Variants in STT3B observed in about 807,000 individuals in gnomAD.
STT3B encodes the protein dolichyl-diphosphooligosaccharide--protein glycosyltransferase subunit STT3B.
STT3B carries 29 observed loss-of-function variants against 96.8 expected under a neutral mutation model. That is an observed-to-expected ratio of 0.30 (90% confidence interval 0.22 to 0.41). STT3B has a LOEUF of 0.41. Among genes scored for constraint, STT3B ranks in the 10% least tolerant of loss-of-function variants. STT3B has a pLI of 1.00. For missense variants in STT3B, 640 were observed against 1,022.3 expected (o/e 0.63, Z 5.10); for synonymous variants, 367 against 360.0 (o/e 1.02, Z -0.22).
At chr3:31,550,424 G>T (rs1575409078) in intron 1 of STT3B, among the ~76,000 whole-genome samples, 1 of 152,188 alleles carries the variant, frequency 6.6e-6, no homozygotes, top group Non-Finnish European at 1.5e-5. Flanking sequence ...CAATCAAAAT[G>T]ACCACCCATC....
chr3:31,601,732 A>C (rs1698933221), intron 5 of STT3B, among the ~76,000 whole-genome samples: 1 of 152,226 alleles, frequency 6.6e-6, no homozygotes, highest in African/African-American at 2.4e-5. Flanking sequence ...AAAAACCATT[A>C]CATGATAGGT....
chr3:31,554,558 G>A (rs929727967), intron 1 of STT3B, among the ~76,000 whole-genome samples: 1 of 152,152 alleles, frequency 6.6e-6, no homozygotes, highest in African/African-American at 2.4e-5. Context: ...CAGCTCCAAG[G>A]TGTAATTTCT....
chr3:31,618,600 C>T (rs1310002008), intron 8 of STT3B, among the ~76,000 whole-genome samples: 1 of 151,782 alleles, frequency 6.6e-6, no homozygotes, highest in Non-Finnish European at 1.5e-5. Flanking sequence ...CTCCTCTGTT[C>T]CTGCTGTTCT....
At chr3:31,607,822 A>G (rs1238929479) in intron 5 of STT3B, among the ~76,000 whole-genome samples, 1 of 151,932 alleles carries the variant, frequency 6.6e-6, no homozygotes, top group Non-Finnish European at 1.5e-5. Flanking sequence ...GTGGTCTCGA[A>G]CTCCTGGGCT....
rs927208004 is a variant in STT3B at position 31,632,677 on chromosome 3, T to C, written c.2188-258T>C. Among the ~76,000 whole-genome samples, 4 of 151,714 alleles carry C rather than the reference T, an allele frequency of 2.6e-5. 1 individual carries two copies. Among genetic ancestry groups the C allele is most frequent in the East Asian group, 1.9e-4 (1 of 5,168 alleles). On this transcript the variant is annotated intron_variant, in intron 14 of 15. Transcript: ENST00000295770. ...TTTCTATGTTTTGGTGGGTTTTTTT[T>C]TTTTTTTTAATGCCTTTAGAATGCT...
At chr3:31,558,562 T>C (rs966848200) in intron 1 of STT3B, among the ~76,000 whole-genome samples, 2 of 152,232 alleles carry the variant, frequency 1.3e-5, no homozygotes, top group African/African-American at 4.8e-5. Context: ...GTGTATTATC[T>C]TTTTGATGTA....
chr3:31,595,763 A>G (rs893172962), intron 3 of STT3B, among the ~76,000 whole-genome samples: 6 of 152,146 alleles, frequency 3.9e-5, no homozygotes, highest in Admixed American at 6.5e-5. Flanking sequence ...TTCCACACCT[A>G]TACTTCTTCC....
rs773689570 is a variant in STT3B, at chr3:31,633,115, A to G, written c.2368A>G (p.Ile790Val). Residue 790 changes from isoleucine (I) to valine (V), a missense_variant, in exon 15 of 16, where the codon ATT becomes GTT. Transcript: ENST00000295770. ...TLDHKPRVTN[I>V]FPKQKYLSKK... ...AGATCACAAACCTCGAGTCACCAAC[A>G]TTTTCCCAAAACAGAAGTATTTGTC... 4.3e-6 allele frequency: 7 copies of G among 1,613,952 alleles called. No individual in the cohort carries two copies. The South Asian group carries it at 5.5e-5, about 13-fold the overall frequency.
At position 31,596,855 on chromosome 3, in the gene STT3B, T is replaced by G. The variant is rs1170942509; in HGVS notation, c.769T>G (p.Phe257Val). Residue 257 changes from phenylalanine (F) to valine (V), a missense_variant, in exon 4 of 16, where the codon TTC becomes GTC. Phe to Val is a conservative substitution (Grantham distance 50, BLOSUM62 -1). This residue lies in a region of STT3B where 267 missense variants were observed against 388.3 expected (regional missense o/e 0.69). Transcript: ENST00000295770. ...FWTMCCCLSY[F>V]YMVSAWGGYV... ...GACAATGTGCTGCTGCTTATCCTAT[T>G]TCTATATGGTAAGATTTCATATTTG... 5 of 1,611,222 alleles carry G rather than the reference T, an allele frequency of 3.1e-6. No individual in the cohort carries two copies. Among genetic ancestry groups the G allele is most frequent in the Non-Finnish European group, 4.2e-6 (5 of 1,178,058 alleles).
At chr3:31,581,927 TTG>T (rs1228184177) in intron 3 of STT3B, among the ~76,000 whole-genome samples, 1 of 152,198 alleles carries the variant, frequency 6.6e-6, no homozygotes, top group East Asian at 1.9e-4. Flanking sequence ...TGGTAGGTTT[TTG>T]TGTTTCTATT....
In STT3B at chr3:31,636,272, A is replaced by G. The variant is rs1379811652; in HGVS notation, c.*208A>G. 5.8e-5 allele frequency: 24 copies of G among 413,306 alleles called. No individual in the cohort carries two copies. The highest frequency in any genetic ancestry group is 9.3e-5 in the Non-Finnish European group (21 of 225,520). The allele number at this position is 413,306 out of a possible 1,614,324, so 25.6% of individuals were successfully genotyped here. On this transcript the variant is annotated 3_prime_UTR_variant, in exon 16 of 16. Transcript: ENST00000295770. The stretch of plus-strand genomic sequence containing the variant: ...TTCGATTTCTAATGTGAAGCAAGAC[A>G]GAGCACTGCTGTAAATGTCTAGCAG...
chr3:31,618,766 A>G (rs886082870), intron 8 of STT3B, among the ~76,000 whole-genome samples: 12 of 152,102 alleles, frequency 7.9e-5, no homozygotes, highest in Admixed American at 5.9e-4. Context: ...ACATACTTCA[A>G]GAGTTCAGCC....
intron 1 of STT3B, among the ~76,000 whole-genome samples, chr3:31,565,367 C>T (rs772158092): frequency 5.3e-5 from 8 of 152,158 alleles, no homozygotes; most frequent in Non-Finnish European, 5.9e-5. Flanking sequence ...ATGTGACAAA[C>T]TTGGCTGTGA....
chr3:31,606,290 T>G (rs906505767), intron 5 of STT3B, among the ~76,000 whole-genome samples: 1 of 152,208 alleles, frequency 6.6e-6, no homozygotes, highest in Non-Finnish European at 1.5e-5. Context: ...AAGAGCCAAC[T>G]GTTAATGCCA....
intron 3 of STT3B, among the ~76,000 whole-genome samples, chr3:31,594,462 G>A (rs1488829258): frequency 4.0e-5 from 6 of 149,882 alleles, no homozygotes; most frequent in Admixed American, 3.3e-4. Context: ...ATGGAGTCTC[G>A]CTCTGTCCAC....
chr3:31,619,817 T>G lies in STT3B; in HGVS notation c.1314T>G (p.Asp438Glu). Residue 438 changes from aspartate to glutamate, a missense_variant, in exon 9 of 16, where the codon GAT becomes GAG. This residue lies in a region of STT3B where 33 missense variants were observed against 43.1 expected (regional missense o/e 0.77). Transcript: ENST00000295770. ...GLWFCIKNIN[D>E]ERVFVALYAI... The stretch of plus-strand genomic sequence containing the variant: ...GGTTCTGCATCAAAAATATCAACGA[T>G]GAAAGAGTATTTGGTAAGAGAGGTT... 6.2e-7 allele frequency: 1 copy of G among 1,611,190 alleles called. No homozygotes were observed. The highest frequency in any genetic ancestry group is 8.5e-7 in the Non-Finnish European group (1 of 1,179,302).
chr3:31,569,791 A>G (rs778633226), intron 1 of STT3B, among the ~76,000 whole-genome samples: 38 of 152,194 alleles, frequency 2.5e-4, no homozygotes, highest in Non-Finnish European at 3.8e-4. Context: ...TATTGGGGGA[A>G]AACTATAATT....
intron 1 of STT3B, among the ~76,000 whole-genome samples, chr3:31,535,273 A>G (rs1045372022): frequency 1.3e-5 from 2 of 152,032 alleles, no homozygotes; most frequent in African/African-American, 4.8e-5. Context: ...GAGTAATGCA[A>G]TAATGAAAAG....
intron 1 of STT3B, among the ~76,000 whole-genome samples, chr3:31,536,759 A>G (rs1428504200): frequency 6.6e-6 from 1 of 152,234 alleles, no homozygotes; most frequent in East Asian, 1.9e-4. Flanking sequence ...GCTGAGTTGA[A>G]CAGATAGGAG....
Sources: allele counts gnomAD v4.1 joint callset (sites outside exome capture counted in the v4.1 genomes callset), GRCh38; gene constraint gnomAD v4.1.1; regional missense constraint gnomAD v4.1.1; transcripts MANE v1.5; gene names NCBI Gene and HGNC (gene_info 2026-07-23, HGNC 2026-07-21).